SGO2: variants seen among roughly 807,000 people sequenced by gnomAD.
SGO2 encodes the protein shugoshin-like 2.
In SGO2, 68 loss-of-function variants were observed where a neutral mutation model predicts 99.5. The observed-to-expected ratio is 0.68, with a 90% CI of 0.56 to 0.84. The LOEUF is 0.84. Ranked by LOEUF, SGO2 falls within the 40% of genes least tolerant of loss-of-function variation. The pLI is 0.00. For synonymous variants in SGO2, 457 were observed against 487.1 expected (o/e 0.94, Z 0.81); for missense variants, 1,350 against 1,436.7 (o/e 0.94, Z 0.97).
intron 5 of SGO2, among the ~76,000 whole-genome samples, chr2:200,565,072 A>C (rs2033133161): frequency 6.6e-6 from 1 of 152,174 alleles, no homozygotes; most frequent in African/African-American, 2.4e-5. Context: ...TTTAAGGTTA[A>C]TATTGTTATT....
At chr2:200,574,450 C>G (rs572409976) in intron 7 of SGO2, among the ~76,000 whole-genome samples, 1 of 152,152 alleles carries the variant, frequency 6.6e-6, no homozygotes, top group Non-Finnish European at 1.5e-5. Context: ...TACCAACCCC[C>G]TTTCCTCAGA....
chr2:200,571,650 G>T lies in SGO2; in HGVS notation c.1304G>T (p.Arg435Ile), dbSNP rs1559216069. The change falls in exon 7 of 9, where the codon AGA (arginine) becomes ATA (isoleucine). Residue 435 changes from arginine (R) to isoleucine (I), a missense_variant. Physicochemically the swap from Arg to Ile is moderately conservative, Grantham distance 97 (BLOSUM62 -3). Transcript: ENST00000357799. ...GAAAAGATTGAAAACAGGACAGAAAGATCTGATGTCCTGGATGGCAAAAGG... is the reference window on the plus strand; with the variant it reads ...GAAAAGATTGAAAACAGGACAGAAATATCTGATGTCCTGGATGGCAAAAGG... ...IGEKIENRTE[R>I]SDVLDGKRGA... 2 of 1,613,576 alleles carry T rather than the reference G, an allele frequency of 1.2e-6. No individual in the cohort carries two copies. The highest frequency in any genetic ancestry group is 8.5e-7 in the Non-Finnish European group (1 of 1,179,704).
chr2:200,573,671 G>A lies in SGO2; in HGVS notation c.3325G>A (p.Val1109Ile), dbSNP rs2033543939. The A allele has an allele frequency of 2.5e-6, 4 of 1,613,350 alleles. No individual in the cohort carries two copies. In the South Asian group the frequency reaches 4.4e-5, roughly 18 times the overall value. ...ILDSVQGKST[V>I]SEQADKENNL... ...TGACAGCGTTCAGGGAAAGTCTACT[G>A]TATCTGAACAAGCTGATAAGGAAAA... Residue 1109 changes from valine (V) to isoleucine (I), a missense_variant, in exon 7 of 9, where the codon GTA becomes ATA. Coordinates refer to ENST00000357799, the MANE Select transcript of SGO2 (RefSeq NM_152524.6).
chr2:200,573,130 T>A lies in SGO2; in HGVS notation c.2784T>A (p.Asp928Glu). 1.3e-6 allele frequency: 2 copies of A among 1,591,594 alleles called. No homozygotes were observed. The highest frequency in any genetic ancestry group is 1.7e-6 in the Non-Finnish European group (2 of 1,174,226). Reference protein sequence around the residue: ...SEMNQIYEDNDKDAHVQESYT... With the variant: ...SEMNQIYEDNEKDAHVQESYT... Reference sequence around the variant, plus strand: ...TGAACCAGATATATGAGGATAATGATAAAGATGCACATGTCCAAGAAAGCT... The same window carrying A: ...TGAACCAGATATATGAGGATAATGAAAAAGATGCACATGTCCAAGAAAGCT... Residue 928 changes from aspartate (D) to glutamate (E), a missense_variant, in exon 7 of 9, where the codon GAT (aspartate) becomes GAA (glutamate). Physicochemically the swap from Asp to Glu is conservative, Grantham distance 45. Coordinates refer to ENST00000357799, the MANE Select transcript of SGO2 (RefSeq NM_152524.6).
chr2:200,526,591 C>T lies in SGO2; in HGVS notation c.-3+339C>T, dbSNP rs10189263. 0.011 allele frequency among the ~76,000 whole-genome samples: 1,684 copies of T among 152,184 alleles called. 36 individuals are homozygous for T. The highest frequency in any genetic ancestry group is 0.038 in the African/African-American group (1,568 of 41,518). On this transcript the variant is annotated intron_variant, in intron 1 of 8. Transcript: ENST00000357799. The surrounding 1 kb of genome is among the most constrained non-coding windows in gnomAD (Gnocchi z 4.8). The stretch of plus-strand genomic sequence containing the variant: ...AACAGTTTCTAGGGCATTGTGAGCG[C>T]TCAGTACGTGTCTGCGGAATGAATG...
intron 2 of SGO2, among the ~76,000 whole-genome samples, chr2:200,534,628 C>CA (rs2031599377): frequency 1.3e-5 from 2 of 152,192 alleles, no homozygotes; most frequent in Non-Finnish European, 2.9e-5. Context: ...GCTGCAGAAT[C>CA]AGTTTCTCCA....
chr2:200,571,651 A>T lies in SGO2; in HGVS notation c.1305A>T (p.Arg435Ser). 1 of 1,613,562 alleles carries T rather than the reference A, an allele frequency of 6.2e-7. No homozygotes were observed. The highest frequency in any genetic ancestry group is 8.5e-7 in the Non-Finnish European group (1 of 1,179,694). ...IGEKIENRTE[R>S]SDVLDGKRGA... is the part of the protein sequence containing the mutation. ...AAAAGATTGAAAACAGGACAGAAAG[A>T]TCTGATGTCCTGGATGGCAAAAGGG... The change falls in exon 7 of 9, where the codon AGA (arginine) becomes AGT (serine). Residue 435 changes from arginine (R) to serine (S), a missense_variant. By Grantham distance (110) the Arg-to-Ser change is moderately radical. Transcript: ENST00000357799.
chr2:200,541,451 A>C (rs774295534), intron 4 of SGO2, among the ~76,000 whole-genome samples: 7 of 152,176 alleles, frequency 4.6e-5, no homozygotes, highest in Non-Finnish European at 1.0e-4. Context: ...CTCCAATAAT[A>C]GGCTCTGGCC....
At chr2:200,568,541 G>A (rs1194684951) in intron 5 of SGO2, among the ~76,000 whole-genome samples, 1 of 152,164 alleles carries the variant, frequency 6.6e-6, no homozygotes, top group African/African-American at 2.4e-5. Context: ...TCAGAGGTCA[G>A]CTAGATATTT....
At chr2:200,557,032 C>T (rs1431565355) in intron 5 of SGO2, among the ~76,000 whole-genome samples, 1 of 152,184 alleles carries the variant, frequency 6.6e-6, no homozygotes, top group Non-Finnish European at 1.5e-5. Context: ...AGGTTTCCCC[C>T]TTTAGGGGAG....
In SGO2 at chr2:200,571,645, A is replaced by G. The variant is rs374577629; in HGVS notation, c.1299A>G (p.Thr433=). Residue 433 remains threonine (T), a synonymous_variant, in exon 7 of 9, where the codon ACA becomes ACG. Transcript: ENST00000357799. ...TTGGGGAAAAGATTGAAAACAGGAC[A>G]GAAAGATCTGATGTCCTGGATGGCA... The part of the protein sequence containing the change: ...VDIGEKIENR[T]ERSDVLDGKR... 13 of 1,613,428 alleles carry G rather than the reference A, an allele frequency of 8.1e-6. No individual in the cohort carries two copies. The African/African-American group carries it at 1.2e-4, about 15-fold the overall frequency.
At chr2:200,582,401 T>A (rs1023181459) in intron 8 of SGO2, among the ~76,000 whole-genome samples, 2 of 152,138 alleles carry the variant, frequency 1.3e-5, no homozygotes, top group African/African-American at 4.8e-5. Flanking sequence ...TCTTCTTCCA[T>A]AAAGTTGATC....
intron 2 of SGO2, among the ~76,000 whole-genome samples, chr2:200,534,547 A>G (rs2031594258): frequency 6.6e-6 from 1 of 152,156 alleles, no homozygotes; most frequent in Non-Finnish European, 1.5e-5. Flanking sequence ...TCAGTTCTGG[A>G]GCTGTAGAAG....
intron 8 of SGO2, among the ~76,000 whole-genome samples, chr2:200,581,632 G>A (rs1344084697): frequency 6.6e-6 from 1 of 152,022 alleles, no homozygotes; most frequent in Non-Finnish European, 1.5e-5. Context: ...GTACTTTCAT[G>A]GGAGCTACTA....
At position 200,573,772 on chromosome 2, in the gene SGO2, A is replaced by G; in HGVS notation, c.3426A>G (p.Ile1142Met). The part of the protein sequence containing the change: ...YTKAFRSLSE[I>M]HSPNIQDSSF... Reference sequence around the variant, plus strand: ...AGGCATTTAGATCTTTGTCTGAGATACATTCACCTAACATACAAGATTCTT... The same window carrying G: ...AGGCATTTAGATCTTTGTCTGAGATGCATTCACCTAACATACAAGATTCTT... The change falls in exon 7 of 9, where the codon ATA (isoleucine) becomes ATG (methionine). Residue 1142 changes from isoleucine (I) to methionine (M), a missense_variant. Coordinates refer to ENST00000357799, the MANE Select transcript of SGO2 (RefSeq NM_152524.6). The G allele has an allele frequency of 6.2e-7, 1 of 1,611,968 alleles. No individual in the cohort carries two copies. Among genetic ancestry groups the G allele is most frequent in the Non-Finnish European group, 8.5e-7 (1 of 1,179,004 alleles).
chr2:200,533,220 G>C, intron 2 of SGO2, 112 bp downstream of exon 2: 1 of 1,205,950 alleles, frequency 8.3e-7, no homozygotes, highest in Non-Finnish European at 1.1e-6. Context: ...TGACCATTTT[G>C]TTAACTGATA....
chr2:200,571,391 G>A lies in SGO2; in HGVS notation c.1045G>A (p.Glu349Lys). 6.2e-7 allele frequency: 1 copy of A among 1,610,068 alleles called. No homozygotes were observed. The highest frequency in any genetic ancestry group is 8.5e-7 in the Non-Finnish European group (1 of 1,177,016). The stretch of plus-strand genomic sequence containing the variant: ...TAATGCAGAGTGCATGAATCAAATT[G>A]AGGATAATGATGACTTTCAATTGCA... ...EPNAECMNQI[E>K]DNDDFQLQKT... The change falls in exon 7 of 9, where the codon GAG becomes AAG. Residue 349 changes from glutamate (E) to lysine (K), a missense_variant. Physicochemically the swap from Glu to Lys is moderately conservative, Grantham distance 56. Transcript: ENST00000357799.
intron 5 of SGO2, among the ~76,000 whole-genome samples, chr2:200,568,209 TTAA>T (rs1482682940): frequency 3.9e-5 from 6 of 152,342 alleles, no homozygotes; most frequent in African/African-American, 9.6e-5. Context: ...TCCCTATTAA[TTAA>T]TGATGTCAAG....
Position 200,535,012 on chromosome 2 carries a change from C to A in SGO2, c.150C>A (p.Phe50Leu). ...KTKILNNSSIFKISLKHNNRA... is the reference protein window; with the variant it reads ...KTKILNNSSILKISLKHNNRA... ...TTTTTACAGATAATTCTTCTATTTTCAAAATATCTTTAAAGCACAACAACA... is the reference window on the plus strand; with the variant it reads ...TTTTTACAGATAATTCTTCTATTTTAAAAATATCTTTAAAGCACAACAACA... Residue 50 changes from phenylalanine to leucine, a missense_variant, in exon 3 of 9, where the codon TTC becomes TTA. Coordinates refer to ENST00000357799, the MANE Select transcript of SGO2 (RefSeq NM_152524.6). 6.5e-7 allele frequency: 1 copy of A among 1,527,404 alleles called. No homozygotes were observed. Among genetic ancestry groups the A allele is most frequent in the South Asian group, 1.3e-5 (1 of 76,532 alleles). The allele number at this position is 1,527,404 out of a possible 1,614,324, so 94.6% of individuals were successfully genotyped here.
Sources: gnomAD v4.1 joint callset for allele counts (sites outside exome capture counted in the v4.1 genomes callset) on GRCh38, gnomAD v4.1.1 for gene constraint, Gnocchi (gnomAD v3.1) non-coding constraint, MANE v1.5 for transcripts, NCBI Gene and HGNC (gene_info 2026-07-23, HGNC 2026-07-21) for gene names.